The following TXNL1 variants were observed in gnomAD, a reference collection of about 807,000 sequenced individuals.
TXNL1 encodes the protein thioredoxin like 1, also known as thioredoxin-like protein 1.
Under a neutral mutation model 35.5 loss-of-function variants are expected in TXNL1, and 14 were observed. That is an observed-to-expected ratio of 0.39 (90% CI 0.26 to 0.62). The LOEUF (loss-of-function observed/expected upper bound fraction) is 0.62. Among genes scored for constraint, TXNL1 ranks in the 20% least tolerant of loss-of-function variants. The pLI, the probability that TXNL1 is intolerant of heterozygous loss-of-function variation, is 0.47. For synonymous variants in TXNL1, 110 were observed against 115.5 expected (o/e 0.95, Z 0.31); for missense variants, 263 against 349.7 (o/e 0.75, Z 1.98).
chr18:56,632,990 T>C (rs2024398454), intron 1 of TXNL1, among the ~76,000 whole-genome samples: 1 of 152,204 alleles, frequency 6.6e-6, no homozygotes, highest in South Asian at 2.1e-4. Context: ...TATACAATTA[T>C]TTGGACAAGC....
chr18:56,637,870 T>A lies in TXNL1; in HGVS notation c.98+473A>T, dbSNP rs776966416. Reference sequence around the variant, plus strand: ...AGGACTCAGAGCTACGCATATTAGTTAGATCGCCCCATCTGAATCTTCAAA... The same window carrying A: ...AGGACTCAGAGCTACGCATATTAGTAAGATCGCCCCATCTGAATCTTCAAA... On this transcript the variant is annotated intron_variant, in intron 1 of 7. Coordinates refer to ENST00000217515, the MANE Select transcript of TXNL1 (RefSeq NM_004786.3). Among the ~76,000 whole-genome samples, 10 of 152,334 alleles carry A rather than the reference T, an allele frequency of 6.6e-5. No individual in the cohort carries two copies. The Middle Eastern group carries it at 0.01, about 155-fold the overall frequency.
intron 1 of TXNL1, among the ~76,000 whole-genome samples, chr18:56,635,120 T>C (rs2024436237): frequency 2.0e-5 from 3 of 151,980 alleles, no homozygotes; most frequent in Admixed American, 6.6e-5. Flanking sequence ...TTAGCGGGCA[T>C]GGTGGTATGT....
chr18:56,634,521 T>A (rs1161706812), intron 1 of TXNL1, among the ~76,000 whole-genome samples: 2 of 152,164 alleles, frequency 1.3e-5, no homozygotes, highest in Non-Finnish European at 2.9e-5. Flanking sequence ...TTTTAATCCT[T>A]AAAAAATACT....
Position 56,624,474 on chromosome 18 carries a change from A to G in TXNL1, c.196-13T>C, listed in dbSNP as rs932414460. 5 of 1,607,906 alleles carry G rather than the reference A, an allele frequency of 3.1e-6. No homozygotes were observed. In the Admixed American group the frequency reaches 6.7e-5, roughly 22 times the overall value. On this transcript the variant is annotated splice_polypyrimidine_tract_variant and intron_variant, in intron 2 of 7. Coordinates refer to ENST00000217515, the MANE Select transcript of TXNL1 (RefSeq NM_004786.3). The stretch of plus-strand genomic sequence containing the variant: ...TGGCAGCTGTTCCCTAGAATTGGCA[A>G]GTTGGACAGTGTTATGAATTAAATC...
rs2023809551 is a variant in TXNL1 at position 56,601,461 on chromosome 18, A to G, written c.*1566T>C. On this transcript the variant is annotated 3_prime_UTR_variant, in exon 8 of 8. Transcript: ENST00000217515. ...AATTACTCAGAAAGGTTAAGTGTAC[A>G]AAACTGTAAACCAAAACCCTGCATA... 6.6e-6 allele frequency: 1 copy of G among 152,244 alleles called. No individual in the cohort carries two copies. Among genetic ancestry groups the G allele is most frequent in the African/African-American group, 2.4e-5 (1 of 41,464 alleles). 9.4% of individuals were successfully genotyped at this position (152,244 alleles called of 1,614,324 possible).
chr18:56,625,689 A>G (rs1362065646), intron 2 of TXNL1, among the ~76,000 whole-genome samples: 1 of 152,238 alleles, frequency 6.6e-6, no homozygotes. Flanking sequence ...CACACTACAT[A>G]ATATTCTAAA....
rs930016044 is a variant in TXNL1 at position 56,638,515 on chromosome 18, G to A, written c.-75C>T. 107 of 1,470,478 alleles carry A rather than the reference G, an allele frequency of 7.3e-5. No homozygotes were observed. Among genetic ancestry groups the A allele is most frequent in the Middle Eastern group, 3.7e-4 (2 of 5,466 alleles). 91.1% of individuals were successfully genotyped at this position (1,470,478 alleles called of 1,614,324 possible). A position where few individuals can be genotyped will look rare whatever the true frequency, so the allele number is the denominator to read the frequency against. The stretch of plus-strand genomic sequence containing the variant: ...TGAAGGAGAAGACGATCTGGGAGAG[G>A]AAGGAGAGATGCTCAGGAAGGCCGA... On this transcript the variant is annotated 5_prime_UTR_variant, in exon 1 of 8. Transcript: ENST00000217515.
chr18:56,623,037 G>A (rs2024215581), intron 3 of TXNL1, among the ~76,000 whole-genome samples: 2 of 151,456 alleles, frequency 1.3e-5, no homozygotes, highest in Admixed American at 6.6e-5. Flanking sequence ...TTGGACTATA[G>A]CATCTCTTCA....
Position 56,597,259 on chromosome 18 carries a change from CT to C in TXNL1, c.*5767del, listed in dbSNP as rs1223517704. On this transcript the variant is annotated 3_prime_UTR_variant, in exon 8 of 8. Transcript: ENST00000217515. The stretch of plus-strand genomic sequence containing the variant: ...ACTTCAAAGCAGTGTTTCATATTCT[CT>C]TACAAAATAGTGCCATCCATCTCCA... 6.6e-6 allele frequency: 1 copy of C among 152,196 alleles called. No individual in the cohort carries two copies. Among genetic ancestry groups the C allele is most frequent in the Non-Finnish European group, 1.5e-5 (1 of 68,032 alleles). 9.4% of individuals were successfully genotyped at this position (152,196 alleles called of 1,614,324 possible).
chr18:56,625,063 G>C (rs562725401), intron 2 of TXNL1, among the ~76,000 whole-genome samples: 35 of 152,040 alleles, frequency 2.3e-4, no homozygotes, highest in Admixed American at 6.6e-4. Flanking sequence ...TAACCACCGA[G>C]TATCCTAGTT....
intron 7 of TXNL1, among the ~76,000 whole-genome samples, chr18:56,606,254 G>A (rs1002654277): frequency 3.9e-5 from 6 of 152,072 alleles, no homozygotes; most frequent in Non-Finnish European, 8.8e-5. Context: ...GCGGGCACCT[G>A]TAGTCCCAGC....
intron 6 of TXNL1, among the ~76,000 whole-genome samples, chr18:56,612,067 G>T (rs2024005646): frequency 1.6e-5 from 2 of 128,856 alleles, no homozygotes; most frequent in South Asian, 5.0e-4. Context: ...GGGTTTCACT[G>T]TGTTGCCCAG....
chr18:56,604,733 C>T (rs1003910558), intron 7 of TXNL1, among the ~76,000 whole-genome samples: 1 of 152,100 alleles, frequency 6.6e-6, no homozygotes, highest in African/African-American at 2.4e-5. Flanking sequence ...AGAGGACATG[C>T]CCCAATCAAT....
chr18:56,626,797 C>CTTTTTTTTTTTT lies in TXNL1; in HGVS notation c.99-352_99-341dup, dbSNP rs386387792. On this transcript the variant is annotated intron_variant, in intron 1 of 7. Coordinates refer to ENST00000217515, the MANE Select transcript of TXNL1 (RefSeq NM_004786.3). The stretch of plus-strand genomic sequence containing the variant: ...TACAGGCGTGAGCCACCAAGCCGGT[C>CTTTTTTTTTTTT]TTTTTTTTTTTTTTTTTTTTTTTTG... Among the ~76,000 whole-genome samples, 85 of 55,006 alleles carry CTTTTTTTTTTTT rather than the reference C, an allele frequency of 1.5e-3. 12 individuals are homozygous for CTTTTTTTTTTTT. The highest frequency in any genetic ancestry group is 3.3e-3 in the African/African-American group (48 of 14,700). The allele number at this position is 55,006 out of a possible 152,430, so 36.1% of individuals were successfully genotyped here.
chr18:56,627,887 C>T lies in TXNL1; in HGVS notation c.99-1430G>A, dbSNP rs201833378. Among the ~76,000 whole-genome samples the T allele has an allele frequency of 1.3e-4, 19 of 150,656 alleles. No individual in the cohort carries two copies. In the East Asian group the frequency reaches 3.5e-3, roughly 28 times the overall value. ...AAAAAAAAAGGTTTGACAGACTGGA[C>T]TATATTTGATAAACTGGAAGATTAA... On this transcript the variant is annotated intron_variant, in intron 1 of 7. Coordinates refer to ENST00000217515, the MANE Select transcript of TXNL1 (RefSeq NM_004786.3).
intron 6 of TXNL1, among the ~76,000 whole-genome samples, chr18:56,613,158 T>C (rs1394707075): frequency 6.6e-6 from 1 of 152,162 alleles, no homozygotes; most frequent in Non-Finnish European, 1.5e-5. Flanking sequence ...TTCTTCATAC[T>C]ACTACTATGT....
At chr18:56,624,639 T>C (rs2024245769) in intron 2 of TXNL1, among the ~76,000 whole-genome samples, 178 bp from the exon 3 acceptor site, 1 of 152,170 alleles carries the variant, frequency 6.6e-6, no homozygotes. Flanking sequence ...CCTTTGGGCA[T>C]AGCTACATTA....
At chr18:56,611,135 T>C in intron 6 of TXNL1, 38 bp from the exon 7 acceptor site, 1 of 1,307,244 alleles carries the variant, frequency 7.6e-7, no homozygotes, top group East Asian at 2.4e-5. Flanking sequence ...TTACAATCCT[T>C]CTTCACAAAC....
chr18:56,626,393 C>G lies in TXNL1; in HGVS notation c.163G>C (p.Val55Leu). 1 of 1,613,754 alleles carries G rather than the reference C, an allele frequency of 6.2e-7. No individual in the cohort carries two copies. Among genetic ancestry groups the G allele is most frequent in the African/African-American group, 1.3e-5 (1 of 75,032 alleles). ...SSMSNKYPQA[V>L]FLEVDVHQCQ... ...TGATGTACATCGACTTCCAAGAAAA[C>G]AGCCTGTGGATATTTATTACTCATA... Residue 55 changes from valine (V) to leucine (L), a missense_variant, in exon 2 of 8, where the codon GTT becomes CTT. Val to Leu is a conservative substitution (Grantham distance 32). Coordinates refer to ENST00000217515, the MANE Select transcript of TXNL1 (RefSeq NM_004786.3).
Sources: allele counts gnomAD v4.1 joint callset (sites outside exome capture counted in the v4.1 genomes callset), GRCh38; gene constraint gnomAD v4.1.1; transcripts MANE v1.5; gene names NCBI Gene and HGNC (gene_info 2026-07-23, HGNC 2026-07-21).